SMURF1: variants seen among roughly 807,000 people sequenced by gnomAD.
The protein encoded by SMURF1 is SMAD specific E3 ubiquitin protein ligase 1, also known as E3 ubiquitin-protein ligase SMURF1.
A neutral mutation model predicts 98.0 loss-of-function variants in SMURF1; 44 were observed. The observed-to-expected ratio is 0.45, with a 90% CI of 0.35 to 0.58. The LOEUF is 0.58. SMURF1 is among the 20% of genes least tolerant of loss of function. The pLI is 0.00. For missense variants in SMURF1, 687 were observed against 938.4 expected, an observed-to-expected ratio of 0.73 and a Z score of 3.50; for synonymous variants, 396 against 374.9, an observed-to-expected ratio of 1.06 and a Z score of -0.65.
chr7:99,057,473 G>T lies in SMURF1; in HGVS notation c.282C>A (p.Phe94Leu). 1 of 1,596,028 alleles carries T rather than the reference G, an allele frequency of 6.3e-7. No homozygotes were observed. Among genetic ancestry groups the T allele is most frequent in the Non-Finnish European group, 8.5e-7 (1 of 1,175,838 alleles). ...KKIHKKQGAG[F>L]LGCVRLLSNA... ...TGGAGAGCAGCCGCACACAGCCCAG[G>T]AAGCCAGCTCCCTGTTTCTTGTGAA... is the stretch of plus-strand genomic sequence containing the variant. The change falls in exon 4 of 18, where the codon TTC (phenylalanine) becomes TTA (leucine). Residue 94 changes from phenylalanine (F) to leucine (L), a missense_variant. This residue lies in a region of SMURF1 where 415 missense variants were observed against 508.4 expected (regional missense o/e 0.82). Transcript: ENST00000361368.
intron 1 of SMURF1, among the ~76,000 whole-genome samples, chr7:99,118,469 A>T (rs1797512338): frequency 6.6e-6 from 1 of 152,242 alleles, no homozygotes. Flanking sequence ...AGAAAAAGGA[A>T]TGAAGTATTG....
At chr7:99,061,447 G>A (rs1185966332) in intron 2 of SMURF1, among the ~76,000 whole-genome samples, 1 of 152,110 alleles carries the variant, frequency 6.6e-6, no homozygotes, top group African/African-American at 2.4e-5. Flanking sequence ...ATTAACAATT[G>A]TATGCAAATC....
At chr7:99,108,515 G>C (rs2150600126) in intron 1 of SMURF1, among the ~76,000 whole-genome samples, 1 of 149,228 alleles carries the variant, frequency 6.7e-6, no homozygotes, top group Non-Finnish European at 1.5e-5. Context: ...GGGAGGCTGA[G>C]GCAGGAGGAT....
chr7:99,095,391 A>G (rs539299840), intron 1 of SMURF1, among the ~76,000 whole-genome samples: 14 of 152,096 alleles, frequency 9.2e-5, no homozygotes, highest in African/African-American at 3.1e-4. Flanking sequence ...GTTTTTTTGT[A>G]TATTTTAGTA....
chr7:99,050,888 A>C, intron 8 of SMURF1: 4 of 1,128,944 alleles, frequency 3.5e-6, no homozygotes, highest in Non-Finnish European at 4.6e-6. Context: ...TAACTCTGTT[A>C]TGGGGTGGGG....
chr7:99,104,152 G>A (rs1172739910), intron 1 of SMURF1, among the ~76,000 whole-genome samples: 1 of 152,126 alleles, frequency 6.6e-6, no homozygotes, highest in East Asian at 1.9e-4. Flanking sequence ...CTCCCAAAGT[G>A]CTGCGATTAT....
chr7:99,093,896 T>G (rs1796871303), intron 1 of SMURF1, among the ~76,000 whole-genome samples: 1 of 152,176 alleles, frequency 6.6e-6, no homozygotes, highest in Admixed American at 6.5e-5. Flanking sequence ...AGACTTTCTA[T>G]GTTGTAATAT....
intron 1 of SMURF1, among the ~76,000 whole-genome samples, chr7:99,089,670 A>AACAAT (rs1366402743): frequency 2.0e-5 from 3 of 149,490 alleles, no homozygotes; most frequent in Non-Finnish European, 3.0e-5. Context: ...AACAAAACAA[A>AACAAT]ACAATACAAC....
intron 1 of SMURF1, among the ~76,000 whole-genome samples, chr7:99,129,326 T>C (rs1797811977): frequency 6.6e-6 from 1 of 152,218 alleles, no homozygotes; most frequent in South Asian, 2.1e-4. Context: ...TACCAGACAG[T>C]GCATGTGGAT....
At chr7:99,138,838 A>G (rs1451485884) in intron 1 of SMURF1, among the ~76,000 whole-genome samples, 2 of 152,242 alleles carry the variant, frequency 1.3e-5, no homozygotes, top group Non-Finnish European at 2.9e-5. Flanking sequence ...GATTCTTCTT[A>G]AAGTATAATT....
intron 1 of SMURF1, among the ~76,000 whole-genome samples, chr7:99,064,677 A>G (rs1422355545): frequency 6.6e-6 from 1 of 152,222 alleles, no homozygotes; most frequent in Non-Finnish European, 1.5e-5. Flanking sequence ...GATAATCAGT[A>G]TTCCTTGATA....
At chr7:99,063,884 C>G (rs1281763783) in intron 1 of SMURF1, among the ~76,000 whole-genome samples, 1 of 151,874 alleles carries the variant, frequency 6.6e-6, no homozygotes, top group African/African-American at 2.4e-5. Context: ...TCAAGCAATC[C>G]TCTTGCCTCA....
intron 1 of SMURF1, among the ~76,000 whole-genome samples, chr7:99,078,389 C>T (rs1256879666): frequency 6.6e-6 from 1 of 152,078 alleles, no homozygotes; most frequent in African/African-American, 2.4e-5. Context: ...TGAACACATG[C>T]TGTGGACTGC....
Position 99,036,700 on chromosome 7 carries a change from G to C in SMURF1, c.1809+367C>G, listed in dbSNP as rs370674469. 1.4e-3 allele frequency among the ~76,000 whole-genome samples: 219 copies of C among 152,212 alleles called. 1 individual carries two copies. In the South Asian group the frequency reaches 0.028, roughly 19 times the overall value. ...ACAGTAGCCCCTTGTTCCTAGGCTA[G>C]GAAGAGCCAGAATAAAAAGCAGTAA... On this transcript the variant is annotated intron_variant, in intron 15 of 17. Coordinates refer to ENST00000361368, the MANE Select transcript of SMURF1 (RefSeq NM_181349.3).
intron 1 of SMURF1, among the ~76,000 whole-genome samples, chr7:99,102,881 C>G (rs944268144): frequency 2.6e-5 from 4 of 152,102 alleles, no homozygotes; most frequent in African/African-American, 9.6e-5. Context: ...GGCTGGAGTA[C>G]AGCAGTGCGT....
At chr7:99,083,062 A>T (rs926117479) in intron 1 of SMURF1, among the ~76,000 whole-genome samples, 3 of 152,138 alleles carry the variant, frequency 2.0e-5, no homozygotes, top group Admixed American at 6.5e-5. Flanking sequence ...GGGGACAGGA[A>T]ATAAGGGGAC....
chr7:99,132,750 C>T (rs74440109), intron 1 of SMURF1, among the ~76,000 whole-genome samples: 3,148 of 151,170 alleles, frequency 0.021, 101 homozygotes, highest in African/African-American at 0.07. Context: ...TGCAAAAGCC[C>T]TTAAGCAGGA....
At chr7:99,102,698 T>A (rs141001037) in intron 1 of SMURF1, among the ~76,000 whole-genome samples, 1 of 152,382 alleles carries the variant, frequency 6.6e-6, no homozygotes, top group East Asian at 1.9e-4. Flanking sequence ...CTTAAATAAG[T>A]GGCTCTTTCA....
At chr7:99,094,582 G>A (rs957006855) in intron 1 of SMURF1, among the ~76,000 whole-genome samples, 2 of 151,512 alleles carry the variant, frequency 1.3e-5, no homozygotes, top group Non-Finnish European at 2.9e-5. Context: ...TTATAGCATG[G>A]AAGTCACACT....
Sources: gnomAD v4.1 joint callset for allele counts (sites outside exome capture counted in the v4.1 genomes callset) on GRCh38, gnomAD v4.1.1 for gene constraint, gnomAD v4.1.1 regional missense constraint, MANE v1.5 for transcripts, NCBI Gene and HGNC (gene_info 2026-07-23, HGNC 2026-07-21) for gene names.